PAK1: variants seen among roughly 807,000 people sequenced by gnomAD.
PAK1 encodes p21 (RAC1) activated kinase 1, also known as serine/threonine-protein kinase PAK 1.
In PAK1, 29 loss-of-function variants were observed where a neutral mutation model predicts 67.4. That is an observed-to-expected ratio of 0.43 (90% CI 0.32 to 0.59). PAK1 has a LOEUF of 0.59. Ranked by LOEUF, PAK1 falls within the 20% of genes least tolerant of loss-of-function variation. PAK1 has a pLI of 0.07. For missense variants in PAK1, 337 were observed against 670.7 expected (o/e 0.50, Z 5.50); for synonymous variants, 223 against 237.4 (o/e 0.94, Z 0.56).
chr11:77,422,946 C>T (rs1955348592), intron 1 of PAK1, among the ~76,000 whole-genome samples: 1 of 152,052 alleles, frequency 6.6e-6, no homozygotes, highest in Non-Finnish European at 1.5e-5. Flanking sequence ...AAAAGGCTGG[C>T]AGAGTAGAAA....
chr11:77,404,811 T>C (rs939453277), intron 1 of PAK1, among the ~76,000 whole-genome samples: 3 of 152,214 alleles, frequency 2.0e-5, no homozygotes, highest in African/African-American at 4.8e-5. Context: ...CTGTTAGATA[T>C]ATTCAGTCAT....
At chr11:77,332,689 G>A in intron 14 of PAK1, 41 bp downstream of exon 14, 1 of 1,576,490 alleles carries the variant, frequency 6.3e-7, no homozygotes, top group Non-Finnish European at 8.7e-7. Flanking sequence ...CTGGTTTAGT[G>A]ATTCCCTGAA....
intron 14 of PAK1, among the ~76,000 whole-genome samples, chr11:77,324,590 TAAA>T (rs1283483656): frequency 2.0e-5 from 3 of 152,074 alleles, no homozygotes; most frequent in African/African-American, 7.2e-5. Context: ...TTCTATTTGA[TAAA>T]AAATATAGGA....
intron 1 of PAK1, among the ~76,000 whole-genome samples, chr11:77,435,564 G>C (rs7103656): frequency 0.049 from 7,368 of 149,122 alleles, 662 homozygotes; most frequent in African/African-American, 0.17. Flanking sequence ...CCTGATCTCG[G>C]CTCACTGCAA....
chr11:77,406,032 C>T (rs923342365), intron 1 of PAK1, among the ~76,000 whole-genome samples: 1 of 152,140 alleles, frequency 6.6e-6, no homozygotes, highest in Non-Finnish European at 1.5e-5. Context: ...GCTTTCCTTC[C>T]ATCTTTCTGT....
intron 11 of PAK1, among the ~76,000 whole-genome samples, chr11:77,339,045 G>C (rs974560577): frequency 6.6e-6 from 1 of 152,046 alleles, no homozygotes; most frequent in Non-Finnish European, 1.5e-5. Flanking sequence ...CTAAAAACTA[G>C]TGAATTATAT....
At chr11:77,364,575 T>C (rs1255135841) in intron 5 of PAK1, among the ~76,000 whole-genome samples, 1 of 152,130 alleles carries the variant, frequency 6.6e-6, no homozygotes, top group Non-Finnish European at 1.5e-5. Context: ...TAGCAACTTT[T>C]TTGGGGGAGG....
At chr11:77,362,366 C>A (rs1946909834) in intron 5 of PAK1, among the ~76,000 whole-genome samples, 1 of 152,126 alleles carries the variant, frequency 6.6e-6, no homozygotes, top group South Asian at 2.1e-4. Flanking sequence ...CCACTGATAC[C>A]AATTTTTAGT....
chr11:77,330,458 C>G (rs1941210351), intron 14 of PAK1, among the ~76,000 whole-genome samples: 1 of 152,244 alleles, frequency 6.6e-6, no homozygotes, highest in African/African-American at 2.4e-5. Flanking sequence ...TGGAGCAGAA[C>G]AGAGCCCTCA....
the PAK1 span, among the ~76,000 whole-genome samples, chr11:77,504,146 G>A: frequency 6.6e-6 from 1 of 152,176 alleles, no homozygotes; most frequent in Non-Finnish European, 1.5e-5. Context: ...GCCCGCCTCA[G>A]CCTTTCAAAG....
Position 77,344,192 on chromosome 11 carries a change from T to TA in PAK1, c.886-262dup, listed in dbSNP as rs1347282356. Among the ~76,000 whole-genome samples the TA allele has an allele frequency of 3.9e-5, 6 of 152,212 alleles. No homozygotes were observed. In the South Asian group the frequency reaches 6.2e-4, roughly 16 times the overall value. On this transcript the variant is annotated intron_variant, in intron 9 of 14. Coordinates refer to ENST00000356341, the MANE Select transcript of PAK1 (RefSeq NM_002576.5). ...CTACTAAATCAGAAGCTCTGTGATG[T>TA]AAAAAGTCCTCCAGGTCACTGTGAT...
chr11:77,325,130 A>G (rs990778968), intron 14 of PAK1, among the ~76,000 whole-genome samples: 2 of 152,228 alleles, frequency 1.3e-5, no homozygotes, highest in Non-Finnish European at 2.9e-5. Context: ...TGTTTCTGCA[A>G]TTCCCCTAAG....
intron 1 of PAK1, among the ~76,000 whole-genome samples, chr11:77,466,602 C>CAAAAAAA (rs35876101): frequency 7.6e-6 from 1 of 131,400 alleles, no homozygotes; most frequent in African/African-American, 2.7e-5. Context: ...GACTCCATCT[C>CAAAAAAA]AAAAAAAAAA....
intron 1 of PAK1, among the ~76,000 whole-genome samples, chr11:77,419,715 C>T (rs1430162283): frequency 6.6e-6 from 1 of 152,186 alleles, no homozygotes; most frequent in Non-Finnish European, 1.5e-5. Flanking sequence ...AATCTCCTGA[C>T]ACAACCAGTT....
At chr11:77,392,882 C>T (rs1199372343) in intron 1 of PAK1, among the ~76,000 whole-genome samples, 1 of 152,202 alleles carries the variant, frequency 6.6e-6, no homozygotes, top group Non-Finnish European at 1.5e-5. Context: ...TAGAGAAATT[C>T]TTCAACCTCT....
the PAK1 span, among the ~76,000 whole-genome samples, chr11:77,518,097 T>G: frequency 3.9e-5 from 6 of 152,222 alleles, no homozygotes; most frequent in East Asian, 1.2e-3. Flanking sequence ...TTCTAAGTAA[T>G]TATTCCAGAT....
chr11:77,353,045 A>T (rs1231543970), intron 8 of PAK1: 3 of 153,572 alleles, frequency 2.0e-5, no homozygotes, highest in Non-Finnish European at 4.3e-5. Context: ...ATAGGAACTC[A>T]GTTAAGACTT....
chr11:77,443,684 T>C lies in PAK1; in HGVS notation c.-22+29868A>G, dbSNP rs555522496. 1.1e-4 allele frequency among the ~76,000 whole-genome samples: 16 copies of C among 152,314 alleles called. No individual in the cohort carries two copies. In the South Asian group the frequency reaches 2.5e-3, roughly 24 times the overall value. On this transcript the variant is annotated intron_variant, in intron 1 of 14. Coordinates refer to ENST00000356341, the MANE Select transcript of PAK1 (RefSeq NM_002576.5). Reference sequence around the variant, plus strand: ...AATTCATGCAACTCTAAAGACCATGTTTTTTCCATTAATTCAGTAAGCTTT... The same window carrying C: ...AATTCATGCAACTCTAAAGACCATGCTTTTTCCATTAATTCAGTAAGCTTT...
At chr11:77,504,723 T>C in the PAK1 span, among the ~76,000 whole-genome samples, 1 of 152,218 alleles carries the variant, frequency 6.6e-6, no homozygotes, top group Non-Finnish European at 1.5e-5. Flanking sequence ...TATACCATAC[T>C]TAAGGATTGC....
Sources: allele counts gnomAD v4.1 joint callset (sites outside exome capture counted in the v4.1 genomes callset), GRCh38; gene constraint gnomAD v4.1.1; transcripts MANE v1.5; gene names NCBI Gene and HGNC (gene_info 2026-07-23, HGNC 2026-07-21).